The following SRPK1 variants were observed in gnomAD, a reference collection of about 807,000 sequenced individuals.
SRPK1 encodes SRSF protein kinase 1.
In SRPK1, 52 loss-of-function variants were observed where a neutral mutation model predicts 89.5. The observed-to-expected ratio is 0.58, with a 90% CI of 0.46 to 0.73. The LOEUF (loss-of-function observed/expected upper bound fraction) is 0.73. SRPK1 is among the 30% of genes least tolerant of loss of function. SRPK1 has a pLI of 0.00. For missense variants in SRPK1, 603 were observed against 780.6 expected, an observed-to-expected ratio of 0.77 and a Z score of 2.71; for synonymous variants, 255 against 270.2, an observed-to-expected ratio of 0.94 and a Z score of 0.55.
At chr6:35,849,366 G>A (rs1769507156) in intron 13 of SRPK1, among the ~76,000 whole-genome samples, 2 of 152,218 alleles carry the variant, frequency 1.3e-5, no homozygotes, top group Middle Eastern at 3.4e-3. Flanking sequence ...TGGAGCAAAG[G>A]GAAGTCTTGA....
intron 1 of SRPK1, chr6:35,920,749 C>T: frequency 8.8e-6 from 1 of 114,156 alleles, no homozygotes; most frequent in Non-Finnish European, 1.4e-5. Flanking sequence ...GGTCAGGGGG[C>T]GGGCGGGTGG....
intron 6 of SRPK1, among the ~76,000 whole-genome samples, chr6:35,880,481 G>C (rs973622049): frequency 2.0e-5 from 3 of 151,864 alleles, no homozygotes; most frequent in African/African-American, 7.3e-5. Flanking sequence ...CCAGCACTTT[G>C]GGAGGCCAAG....
chr6:35,866,512 G>C (rs1769908712), intron 12 of SRPK1, among the ~76,000 whole-genome samples: 1 of 152,120 alleles, frequency 6.6e-6, no homozygotes, highest in Non-Finnish European at 1.5e-5. Flanking sequence ...CTTGAACCTG[G>C]GAGGCAGAGG....
intron 2 of SRPK1, among the ~76,000 whole-genome samples, chr6:35,891,587 G>A (rs530068777): frequency 3.3e-5 from 5 of 151,954 alleles, no homozygotes; most frequent in Admixed American, 6.6e-5. Context: ...CCAGCGTGGT[G>A]GTGGGCACCC....
intron 13 of SRPK1, among the ~76,000 whole-genome samples, chr6:35,850,047 G>A (rs865969722): frequency 2.6e-5 from 4 of 152,100 alleles, no homozygotes; most frequent in South Asian, 4.1e-4. Flanking sequence ...GGTGGTTACA[G>A]AGACTGGGGG....
rs189355755 is a variant in SRPK1 at position 35,846,746 on chromosome 6, T to C, written c.1621-4142A>G. ...CTACAAAGATTGAACCATGAAGAAA[T>C]AGAAACAAGAGATTAGATCTGTAAT... On this transcript the variant is annotated intron_variant, in intron 13 of 15. Transcript: ENST00000373825. Among the ~76,000 whole-genome samples, 300 of 151,814 alleles carry C rather than the reference T, an allele frequency of 2.0e-3. 3 individuals are homozygous for C. The highest frequency in any genetic ancestry group is 1.6e-3 in the East Asian group (8 of 5,156).
intron 13 of SRPK1, among the ~76,000 whole-genome samples, chr6:35,850,408 C>G (rs945327715): frequency 3.3e-5 from 5 of 152,134 alleles, no homozygotes; most frequent in Admixed American, 3.3e-4. Context: ...GATGTCTTAA[C>G]AGCAAGGAAG....
At chr6:35,894,014 TAAAAGAAAAA>T (rs1020343686) in intron 2 of SRPK1, among the ~76,000 whole-genome samples, 1 of 149,450 alleles carries the variant, frequency 6.7e-6, no homozygotes, top group Non-Finnish European at 1.5e-5. Context: ...CTGTCTCAAA[TAAAAGAAAAA>T]AAAAGAAAAG....
Position 35,921,016 on chromosome 6 carries a change from T to C in SRPK1, c.13+28A>G, listed in dbSNP as rs575041965. 1.2e-5 allele frequency: 18 copies of C among 1,539,118 alleles called. No individual in the cohort carries two copies. In the South Asian group the frequency reaches 1.6e-4, roughly 14 times the overall value. On this transcript the variant is annotated intron_variant, in intron 1 of 15. Coordinates refer to ENST00000373825, the MANE Select transcript of SRPK1 (RefSeq NM_003137.5). Reference sequence around the variant, plus strand: ...GCCTCGCCCCGGCGACCATTGCCCCTCGTGGCGGAGGCCGCTCCACCGCTC... The same window carrying C: ...GCCTCGCCCCGGCGACCATTGCCCCCCGTGGCGGAGGCCGCTCCACCGCTC...
intron 2 of SRPK1, among the ~76,000 whole-genome samples, chr6:35,918,065 T>C (rs551994117): frequency 1.7e-3 from 263 of 152,338 alleles, no homozygotes; most frequent in Middle Eastern, 0.017. Flanking sequence ...TCAGAAGTCA[T>C]GGAACAGAGT....
intron 13 of SRPK1, among the ~76,000 whole-genome samples, chr6:35,844,590 G>A (rs1409036660): frequency 2.6e-5 from 4 of 152,164 alleles, no homozygotes; most frequent in African/African-American, 7.2e-5. Context: ...GATAGGTTTA[G>A]GAATCAAATA....
At chr6:35,895,454 TG>T in intron 2 of SRPK1, among the ~76,000 whole-genome samples, 1 of 152,016 alleles carries the variant, frequency 6.6e-6, no homozygotes, top group Admixed American at 6.6e-5. Flanking sequence ...TGTGTGTGTG[TG>T]TGTGTGTGTG....
chr6:35,854,655 A>G (rs1769629544), intron 13 of SRPK1, among the ~76,000 whole-genome samples: 1 of 152,168 alleles, frequency 6.6e-6, no homozygotes, highest in South Asian at 2.1e-4. Context: ...TGACATTAGA[A>G]ATACTTTATT....
intron 13 of SRPK1, among the ~76,000 whole-genome samples, chr6:35,855,918 G>C (rs1423268555): frequency 1.3e-5 from 2 of 152,106 alleles, no homozygotes; most frequent in East Asian, 3.9e-4. Context: ...GTAGAGACAG[G>C]GTTTCATCAT....
intron 6 of SRPK1, among the ~76,000 whole-genome samples, chr6:35,875,638 AAAT>A (rs1770140287): frequency 6.6e-6 from 1 of 152,226 alleles, no homozygotes; most frequent in African/African-American, 2.4e-5. Flanking sequence ...GAAGAAAGCC[AAAT>A]AATAAATACA....
At chr6:35,908,513 A>G (rs1023019690) in intron 2 of SRPK1, among the ~76,000 whole-genome samples, 2 of 152,236 alleles carry the variant, frequency 1.3e-5, no homozygotes, top group Admixed American at 1.3e-4. Flanking sequence ...ATTTGGCAGA[A>G]GAAATTTCTA....
intron 12 of SRPK1, among the ~76,000 whole-genome samples, chr6:35,865,342 T>TA (rs199680597): frequency 1.3e-5 from 2 of 151,870 alleles, no homozygotes; most frequent in Non-Finnish European, 2.9e-5. Context: ...AATTAAAAAT[T>TA]AAAAAAAATT....
At chr6:35,888,972 A>C (rs576558583) in intron 3 of SRPK1, 49 bp from the exon 4 acceptor site, 5 of 1,320,708 alleles carry the variant, frequency 3.8e-6, no homozygotes, top group Non-Finnish European at 5.5e-6. Flanking sequence ...ATGAGAAACA[A>C]TGGTAAGAAA....
chr6:35,920,816 G>A (rs1283292844), intron 1 of SRPK1: 4 of 481,242 alleles, frequency 8.3e-6, no homozygotes, highest in Non-Finnish European at 1.4e-5. Flanking sequence ...GCGCGAGCCG[G>A]CCTGGCGGGG....
Sources: allele counts gnomAD v4.1 joint callset (sites outside exome capture counted in the v4.1 genomes callset), GRCh38; gene constraint gnomAD v4.1.1; transcripts MANE v1.5; gene names NCBI Gene and HGNC (gene_info 2026-07-23, HGNC 2026-07-21).